ROBO1: variants seen among roughly 807,000 people sequenced by gnomAD.
ROBO1 encodes roundabout guidance receptor 1.
A neutral mutation model predicts 195.9 loss-of-function variants in ROBO1; 149 were observed. The ratio of observed to expected loss-of-function variants is 0.76; its 90% CI spans 0.67 to 0.87. The LOEUF is 0.87. Among genes scored for constraint, ROBO1 ranks in the 40% least tolerant of loss-of-function variants. The probability of loss-of-function intolerance (pLI) is 0.00; values close to 1 mark genes in which losing one functional copy is unlikely to be tolerated. For synonymous variants in ROBO1, 816 were observed against 733.2 expected, an observed-to-expected ratio of 1.11 and a Z score of -1.82; for missense variants, 1,933 against 2,068.3, an observed-to-expected ratio of 0.93 and a Z score of 1.27.
At chr3:79,755,267 A>G (rs556658273) in intron 1 of ROBO1, among the ~76,000 whole-genome samples, 1 of 152,336 alleles carries the variant, frequency 6.6e-6, no homozygotes, top group African/African-American at 2.4e-5. Flanking sequence ...TTTCTAAATT[A>G]GAATATTATT....
intron 1 of ROBO1, among the ~76,000 whole-genome samples, chr3:79,631,351 T>A (rs1410976182): frequency 1.3e-5 from 2 of 151,930 alleles, no homozygotes; most frequent in Admixed American, 1.3e-4. Context: ...AATCAACAGA[T>A]CTTCAACAAG....
chr3:78,982,296 C>T (rs747130003), intron 3 of ROBO1, among the ~76,000 whole-genome samples: 3 of 152,166 alleles, frequency 2.0e-5, no homozygotes, highest in Non-Finnish European at 4.4e-5. Context: ...AGTAATCACT[C>T]TCCTATGATT....
intron 2 of ROBO1, among the ~76,000 whole-genome samples, chr3:79,381,182 C>A (rs1228710679): frequency 6.6e-6 from 1 of 151,712 alleles, no homozygotes; most frequent in Non-Finnish European, 1.5e-5. Context: ...CATGGCGAAA[C>A]CCCGTCTCTA....
intron 8 of ROBO1, among the ~76,000 whole-genome samples, chr3:78,699,659 C>T (rs902384600): frequency 2.0e-5 from 3 of 151,758 alleles, no homozygotes; most frequent in African/African-American, 7.3e-5. Flanking sequence ...AATCCTTCAA[C>T]ATGGTCCTAT....
intron 3 of ROBO1, among the ~76,000 whole-genome samples, chr3:78,998,301 T>C (rs2077415822): frequency 6.6e-6 from 1 of 152,072 alleles, no homozygotes; most frequent in Admixed American, 6.6e-5. Flanking sequence ...TAAATAGTAA[T>C]AGTAATAACG....
intron 3 of ROBO1, among the ~76,000 whole-genome samples, chr3:78,976,726 T>G (rs1245806995): frequency 2.0e-5 from 3 of 152,188 alleles, no homozygotes; most frequent in Non-Finnish European, 4.4e-5. Flanking sequence ...CTTTTTGAAG[T>G]CTTTCTTCAC....
chr3:79,545,854 G>T (rs1382726230), intron 2 of ROBO1, among the ~76,000 whole-genome samples: 4 of 152,120 alleles, frequency 2.6e-5, no homozygotes, highest in Non-Finnish European at 5.9e-5. Context: ...GCCCAGGAGG[G>T]TTTAGAGTTA....
At chr3:79,301,904 A>C (rs561940904) in intron 2 of ROBO1, among the ~76,000 whole-genome samples, 1 of 152,190 alleles carries the variant, frequency 6.6e-6, no homozygotes, top group Non-Finnish European at 1.5e-5. Context: ...CTAGTATACA[A>C]TCATAGTGTT....
chr3:79,107,127 T>TCTCACA (rs1370578718), intron 3 of ROBO1, among the ~76,000 whole-genome samples: 107 of 136,458 alleles, frequency 7.8e-4, no homozygotes, highest in African/African-American at 2.5e-3. Context: ...TCTCTCTCTC[T>TCTCACA]CACACACACA....
intron 1 of ROBO1, among the ~76,000 whole-genome samples, chr3:79,681,599 A>G (rs150606422): frequency 2.6e-5 from 4 of 152,086 alleles, no homozygotes; most frequent in South Asian, 2.1e-4. Flanking sequence ...TATATAATCA[A>G]ATTTGTTCTG....
intron 3 of ROBO1, among the ~76,000 whole-genome samples, chr3:79,074,247 C>T (rs2079134343): frequency 6.6e-6 from 1 of 151,892 alleles, no homozygotes; most frequent in Non-Finnish European, 1.5e-5. Flanking sequence ...TCCATTGCTT[C>T]ACCTATCTAT....
At chr3:78,660,988 T>A in intron 16 of ROBO1, 42 bp downstream of exon 16, 1 of 1,313,302 alleles carries the variant, frequency 7.6e-7, no homozygotes, top group Non-Finnish European at 1.1e-6. Flanking sequence ...TTCTAACAAA[T>A]ATACTGCAAT....
chr3:79,682,862 C>T (rs900494668), intron 1 of ROBO1, among the ~76,000 whole-genome samples: 1 of 151,928 alleles, frequency 6.6e-6, no homozygotes, highest in African/African-American at 2.4e-5. Flanking sequence ...GGAAAGAAAA[C>T]CAAGTCATCT....
intron 2 of ROBO1, among the ~76,000 whole-genome samples, chr3:79,583,265 C>T (rs570179785): frequency 6.6e-6 from 1 of 152,062 alleles, no homozygotes; most frequent in Admixed American, 6.6e-5. Flanking sequence ...ACTCTGTTGA[C>T]ATCATATCTA....
In ROBO1 at chr3:79,661,442, T is replaced by C. The variant is rs184215351; in HGVS notation, c.-50-71481A>G. Reference sequence around the variant, plus strand: ...TTTTAGTCTTACTAAAGTGTTTTTGTATGATTAAAACCCAAGAGTTCTGCC... The same window carrying C: ...TTTTAGTCTTACTAAAGTGTTTTTGCATGATTAAAACCCAAGAGTTCTGCC... On this transcript the variant is annotated intron_variant, in intron 1 of 30. Transcript: ENST00000464233. 1.2e-3 allele frequency among the ~76,000 whole-genome samples: 184 copies of C among 152,246 alleles called. 1 individual carries two copies. The highest frequency in any genetic ancestry group is 4.2e-3 in the African/African-American group (174 of 41,586).
At chr3:78,921,361 T>C (rs1442231113) in intron 4 of ROBO1, among the ~76,000 whole-genome samples, 1 of 152,178 alleles carries the variant, frequency 6.6e-6, no homozygotes. Context: ...ACAATTTCCA[T>C]AGCATAAGTA....
chr3:78,845,504 T>C (rs1219821093), intron 4 of ROBO1, among the ~76,000 whole-genome samples: 1 of 152,154 alleles, frequency 6.6e-6, no homozygotes, highest in African/African-American at 2.4e-5. Context: ...GATATCTACG[T>C]GTGTGTTTAT....
At chr3:78,844,906 C>T (rs1049094877) in intron 4 of ROBO1, among the ~76,000 whole-genome samples, 2 of 151,870 alleles carry the variant, frequency 1.3e-5, no homozygotes, top group Non-Finnish European at 2.9e-5. Context: ...AAGTGCACCA[C>T]CAAATAAGCA....
At chr3:78,769,092 T>C (rs1161118419) in intron 4 of ROBO1, among the ~76,000 whole-genome samples, 1 of 152,110 alleles carries the variant, frequency 6.6e-6, no homozygotes, top group Admixed American at 6.5e-5. Flanking sequence ...TTCCAGGGTA[T>C]AGTTTACATC....
Sources: gnomAD v4.1 joint callset for allele counts (sites outside exome capture counted in the v4.1 genomes callset) on GRCh38, gnomAD v4.1.1 for gene constraint, MANE v1.5 for transcripts, NCBI Gene and HGNC (gene_info 2026-07-23, HGNC 2026-07-21) for gene names.